Variants in AHNAK2 observed in about 807,000 individuals in gnomAD.
The protein encoded by AHNAK2 is protein AHNAK2.
A neutral mutation model predicts 30.7 loss-of-function variants in AHNAK2; 18 were observed. The observed-to-expected ratio is 0.59, with a 90% CI of 0.41 to 0.87. The LOEUF is 0.87. Ranked by LOEUF, AHNAK2 falls within the 40% of genes least tolerant of loss-of-function variation. The pLI is 0.00. For synonymous variants in AHNAK2, 3,590 were observed against 3,073.8 expected (o/e 1.17, Z -5.56); for missense variants, 8,604 against 7,373.0 (o/e 1.17, Z -6.11).
At chr14:104,976,297 G>A (rs983093951) in intron 1 of AHNAK2, among the ~76,000 whole-genome samples, 7 of 152,296 alleles carry the variant, frequency 4.6e-5, no homozygotes, top group African/African-American at 7.2e-5. Flanking sequence ...GGGCAGCCTC[G>A]GCACAAAAGC....
Position 104,949,959 on chromosome 14 carries a change from G to A in AHNAK2, c.5492C>T (p.Pro1831Leu), listed in dbSNP as rs199536287. 954 of 1,587,890 alleles carry A rather than the reference G, an allele frequency of 6.0e-4. 79 individuals are homozygous for A. In the African/African-American group the frequency reaches 9.0e-3, roughly 15 times the overall value. The change falls in exon 7 of 7, where the codon CCG (proline) becomes CTG (leucine). Residue 1831 changes from proline to leucine, a missense_variant. Transcript: ENST00000333244. ...GCCTGGGGCAGACACCCCGAACGAC[G>A]GCATCTTGAACTTGGGCATTTTGAA... Reference protein sequence around the residue: ...SKFKMPKFKMPSFGVSAPGKS... With the variant: ...SKFKMPKFKMLSFGVSAPGKS...
At position 104,945,376 on chromosome 14, in the gene AHNAK2, G is replaced by T. The variant is rs769204017; in HGVS notation, c.10075C>A (p.Gln3359Lys). 1 of 1,612,370 alleles carries T rather than the reference G, an allele frequency of 6.2e-7. No homozygotes were observed. The highest frequency in any genetic ancestry group is 2.2e-5 in the East Asian group (1 of 44,706). ...ACCTCCAGGTCCACAGAAGGGAGCT[G>T]AATGCTGAGGTCAGTGGTCTTGAGG... ...GDLKTTDLSIQLPSVDLEVQA... is the reference protein window; with the variant it reads ...GDLKTTDLSIKLPSVDLEVQA... Residue 3359 changes from glutamine to lysine, a missense_variant, in exon 7 of 7, where the codon CAG becomes AAG. Coordinates refer to ENST00000333244, the MANE Select transcript of AHNAK2 (RefSeq NM_138420.4).
chr14:104,947,104 C>T lies in AHNAK2; in HGVS notation c.8347G>A (p.Val2783Ile), dbSNP rs372688194. 17 of 1,612,482 alleles carry T rather than the reference C, an allele frequency of 1.1e-5. No individual in the cohort carries two copies. The highest frequency in any genetic ancestry group is 1.7e-4 in the Middle Eastern group (1 of 6,052). The change falls in exon 7 of 7, where the codon GTC becomes ATC. Residue 2783 changes from valine to isoleucine, a missense_variant. Coordinates refer to ENST00000333244, the MANE Select transcript of AHNAK2 (RefSeq NM_138420.4). ...KMSLSSMEVD[V>I]QAPRAKLDGA... ...TCCAGCTTTGCTCTCGGGGCCTGGA[C>T]GTCCACCTCCATGCTGGACAGAGAC...
rs779675075 is a variant in AHNAK2, at chr14:104,943,987, T to C, written c.11464A>G (p.Ile3822Val). 1.4e-5 allele frequency: 22 copies of C among 1,612,618 alleles called. No homozygotes were observed. Among genetic ancestry groups the C allele is most frequent in the Non-Finnish European group, 1.9e-5 (22 of 1,179,416 alleles). ...SFGVSAPGKS[I>V]EASVHVSAPK... ...GCAGACACGTGCACCGAGGCCTCAA[T>C]GGACTTGCCTGGGGCAGACACCCCA... Residue 3822 changes from isoleucine (I) to valine (V), a missense_variant, in exon 7 of 7, where the codon ATT becomes GTT. Physicochemically the swap from Ile to Val is conservative, Grantham distance 29. Transcript: ENST00000333244.
rs961439865 is a variant in AHNAK2 at position 104,948,615 on chromosome 14, ACCT to A, written c.6833_6835del (p.Glu2278del). 1.9e-6 allele frequency: 3 copies of A among 1,612,094 alleles called. No homozygotes were observed. The African/African-American group carries it at 4.1e-5, about 22-fold the overall frequency. On this transcript the variant is annotated inframe_deletion, in exon 7 of 7. Transcript: ENST00000333244. ...GTCCACCTCCACGCTGGGCAGAGAC[ACCT>A]CCACATCAGGGGCTGTCACTTCCAC...
chr14:104,954,635 C>T lies in AHNAK2; in HGVS notation c.816G>A (p.Gly272=). 1 of 1,612,590 alleles carries T rather than the reference C, an allele frequency of 6.2e-7. No homozygotes were observed. Among genetic ancestry groups the T allele is most frequent in the Non-Finnish European group, 8.5e-7 (1 of 1,179,612 alleles). ...AGCTGTGTGACCTCTGGGGTCCCGGCCCCCGCTTGCTCTTTATGGATTGAA... is the reference window on the plus strand; with the variant it reads ...AGCTGTGTGACCTCTGGGGTCCCGGTCCCCGCTTGCTCTTTATGGATTGAA... ...PKFQSIKSKR[G]PGPQRSHSSS... is the part of the protein sequence containing the mutation. The change falls in exon 7 of 7, where the codon GGG becomes GGA. Residue 272 remains glycine (G), a synonymous_variant. Coordinates refer to ENST00000333244, the MANE Select transcript of AHNAK2 (RefSeq NM_138420.4). The surrounding 1 kb of genome is among the most constrained non-coding windows in gnomAD (Gnocchi z 4.3).
chr14:104,944,618 C>G lies in AHNAK2; in HGVS notation c.10833G>C (p.Pro3611=), dbSNP rs773775422. ...LPSVEVDVQA[P]KAKLDAGRLE... ...GCCGCCCAGCATCCAGCTTGGCCTT[C>G]GGGGCCTGGACATCCACCTCCACGC... The change falls in exon 7 of 7, where the codon CCG becomes CCC. Residue 3611 remains proline (P), a synonymous_variant. Transcript: ENST00000333244. 6.2e-7 allele frequency: 1 copy of G among 1,611,412 alleles called. No homozygotes were observed. The highest frequency in any genetic ancestry group is 1.3e-5 in the African/African-American group (1 of 74,402).
chr14:104,969,903 G>A (rs1899425799), intron 1 of AHNAK2, among the ~76,000 whole-genome samples: 1 of 152,122 alleles, frequency 6.6e-6, no homozygotes, highest in African/African-American at 2.4e-5. Context: ...ATCGCCCCAG[G>A]CCCCCACAGC....
In AHNAK2 at chr14:104,942,831, G is replaced by A. The variant is rs373111365; in HGVS notation, c.12620C>T (p.Pro4207Leu). 2.4e-5 allele frequency: 39 copies of A among 1,612,046 alleles called. No homozygotes were observed. Among genetic ancestry groups the A allele is most frequent in the Middle Eastern group, 1.6e-4 (1 of 6,066 alleles). Residue 4207 changes from proline (P) to leucine (L), a missense_variant, in exon 7 of 7, where the codon CCC becomes CTC. By Grantham distance (98) the Pro-to-Leu change is moderately conservative. Transcript: ENST00000333244. ...GTGCCCTTTGAGGCCGGCTCCCTTGGGCAGGGGGCCCTCCGGGAGTTTCAC... is the reference window on the plus strand; with the variant it reads ...GTGCCCTTTGAGGCCGGCTCCCTTGAGCAGGGGGCCCTCCGGGAGTTTCAC... ...VDVKLPEGPL[P>L]KGAGLKGHLP...
intron 1 of AHNAK2, among the ~76,000 whole-genome samples, chr14:104,977,203 G>T (rs1443736913): frequency 6.6e-6 from 1 of 152,198 alleles, no homozygotes; most frequent in African/African-American, 2.4e-5. Context: ...CAAGGAGTGG[G>T]GTCCAGCCTG....
At position 104,954,332 on chromosome 14, in the gene AHNAK2, T is replaced by C. The variant is rs773247529; in HGVS notation, c.1119A>G (p.Thr373=). ...GDSLEETGAA[T]GSRREERAEQ... is the part of the protein sequence containing the mutation. ...CTGCCCTCTCCTCTCTCCTGCTGCC[T>C]GTGGCAGCCCCAGTCTCCTCGAGGC... Residue 373 remains threonine (T), a synonymous_variant, in exon 7 of 7, where the codon ACA becomes ACG. Coordinates refer to ENST00000333244, the MANE Select transcript of AHNAK2 (RefSeq NM_138420.4). The surrounding 1 kb of genome is among the most constrained non-coding windows in gnomAD (Gnocchi z 4.3). 34 of 1,613,470 alleles carry C rather than the reference T, an allele frequency of 2.1e-5. No homozygotes were observed. The Admixed American group carries it at 5.5e-4, about 26-fold the overall frequency.
chr14:104,949,826 G>A lies in AHNAK2; in HGVS notation c.5625C>T (p.Leu1875=). 2 of 1,587,216 alleles carry A rather than the reference G, an allele frequency of 1.3e-6. No individual in the cohort carries two copies. The highest frequency in any genetic ancestry group is 2.2e-5 in the East Asian group (1 of 44,680). The part of the protein sequence containing the change: ...DLKTTDLCIP[L]PSADLVVQAG... ...CCTGGACCACCAGGTCTGCAGAAGG[G>A]AGCGGAATGCAGAGGTCCGTGGTCT... The change falls in exon 7 of 7, where the codon CTC becomes CTT. Residue 1875 remains leucine (L), a synonymous_variant. Transcript: ENST00000333244.
Position 104,941,672 on chromosome 14 carries a change from G to C in AHNAK2, c.13779C>G (p.Ser4593Arg), listed in dbSNP as rs200454122. ...MAPDVEVSLP[S>R]VETDVQAPGS... is the part of the protein sequence containing the mutation. ...CTGGGGCCTGGACATCCGTCTCCAC[G>C]CTGGGCAGAGACACCTCCACATCGG... Residue 4593 changes from serine (S) to arginine (R), a missense_variant, in exon 7 of 7, where the codon AGC becomes AGG. Physicochemically the swap from Ser to Arg is moderately radical, Grantham distance 110 (BLOSUM62 -1). Coordinates refer to ENST00000333244, the MANE Select transcript of AHNAK2 (RefSeq NM_138420.4). 5.3e-4 allele frequency: 856 copies of C among 1,613,518 alleles called. 1 individual carries two copies. Among genetic ancestry groups the C allele is most frequent in the Non-Finnish European group, 6.8e-4 (803 of 1,179,872 alleles).
chr14:104,977,235 C>A (rs1459192652), intron 1 of AHNAK2, among the ~76,000 whole-genome samples: 1 of 151,954 alleles, frequency 6.6e-6, no homozygotes, highest in Non-Finnish European at 1.5e-5. Context: ...GCCAGCCCAA[C>A]CCCCTGGCCA....
In AHNAK2 at chr14:104,947,705, C is replaced by A. The variant is rs1381271022; in HGVS notation, c.7746G>T (p.Lys2582Asn). Residue 2582 changes from lysine (K) to asparagine (N), a missense_variant, in exon 7 of 7, where the codon AAG becomes AAT. Coordinates refer to ENST00000333244, the MANE Select transcript of AHNAK2 (RefSeq NM_138420.4). ...PSFKMPEMDL[K>N]GPQLDVKGPK... ...GGCCCTTGACATCTAGCTGGGGGCC[C>A]TTGAGGTCCATTTCAGGCATCTTGA... 2.5e-6 allele frequency: 4 copies of A among 1,612,708 alleles called. No individual in the cohort carries two copies. In the African/African-American group the frequency reaches 4.0e-5, roughly 16 times the overall value.
chr14:104,957,261 C>T, intron 3 of AHNAK2, 149 bp downstream of exon 3: 1 of 722,470 alleles, frequency 1.4e-6, no homozygotes, highest in Non-Finnish European at 2.2e-6. Context: ...CCCAAGGGCA[C>T]AGAGGAGTCT....
chr14:104,953,414 C>A lies in AHNAK2; in HGVS notation c.2037G>T (p.Lys679Asn). ...ACGCCCCGAACAATGGCATCTTGAA[C>A]TTGGGCATTTTGAACTTGCTGTCTT... is the stretch of plus-strand genomic sequence containing the variant. ...ATKDSKFKMP[K>N]FKMPLFGASA... The change falls in exon 7 of 7, where the codon AAG becomes AAT. Residue 679 changes from lysine (K) to asparagine (N), a missense_variant. Transcript: ENST00000333244. 6.2e-7 allele frequency: 1 copy of A among 1,614,070 alleles called. No homozygotes were observed. Among genetic ancestry groups the A allele is most frequent in the Non-Finnish European group, 8.5e-7 (1 of 1,179,908 alleles).
rs772468158 is a variant in AHNAK2 at position 104,942,177 on chromosome 14, G to C, written c.13274C>G (p.Ser4425Cys). The change falls in exon 7 of 7, where the codon TCT becomes TGT. Residue 4425 changes from serine to cysteine, a missense_variant. Coordinates refer to ENST00000333244, the MANE Select transcript of AHNAK2 (RefSeq NM_138420.4). Reference protein sequence around the residue: ...VEVTSPNLDVSLPSMEVDIQA... With the variant: ...VEVTSPNLDVCLPSMEVDIQA... The stretch of plus-strand genomic sequence containing the variant: ...GATGTCCACCTCCATGCTGGGCAGA[G>C]ACACGTCCAGGTTGGGGGACGTCAC... 1 of 1,613,002 alleles carries C rather than the reference G, an allele frequency of 6.2e-7. No individual in the cohort carries two copies. Among genetic ancestry groups the C allele is most frequent in the Non-Finnish European group, 8.5e-7 (1 of 1,179,670 alleles).
Position 104,947,243 on chromosome 14 carries a change from C to A in AHNAK2, c.8208G>T (p.Met2736Ile). 6.2e-7 allele frequency: 1 copy of A among 1,611,846 alleles called. No homozygotes were observed. The highest frequency in any genetic ancestry group is 8.5e-7 in the Non-Finnish European group (1 of 1,179,464). ...CCACTTCAGGCATCTTGAAACTGGG[C>A]ATCTGCAGCTTGGGCAGGTGCCCTT... ...GLKGHLPKLQMPSFKMPEVDL... is the reference protein window; with the variant it reads ...GLKGHLPKLQIPSFKMPEVDL... Residue 2736 changes from methionine (M) to isoleucine (I), a missense_variant, in exon 7 of 7, where the codon ATG (methionine) becomes ATT (isoleucine). Physicochemically the swap from Met to Ile is conservative, Grantham distance 10. Transcript: ENST00000333244.
Sources: gnomAD v4.1 joint callset for allele counts (sites outside exome capture counted in the v4.1 genomes callset) on GRCh38, gnomAD v4.1.1 for gene constraint, Gnocchi (gnomAD v3.1) non-coding constraint, MANE v1.5 for transcripts, NCBI Gene and HGNC (gene_info 2026-07-23, HGNC 2026-07-21) for gene names.